UBR4: variants seen among roughly 807,000 people sequenced by gnomAD.
UBR4 encodes the protein ubiquitin protein ligase E3 component n-recognin 4.
In UBR4, 124 loss-of-function variants were observed where a neutral mutation model predicts 575.6. That is an observed-to-expected ratio of 0.22 (90% CI 0.19 to 0.25). The LOEUF (loss-of-function observed/expected upper bound fraction) is 0.25. UBR4 is among the 10% of genes least tolerant of loss of function. The probability of loss-of-function intolerance (pLI) is 1.00; values close to 1 mark genes in which losing one functional copy is unlikely to be tolerated. For missense variants in UBR4, 4,818 were observed against 6,478.8 expected (o/e 0.74, Z 8.80); for synonymous variants, 2,455 against 2,473.7 (o/e 0.99, Z 0.22).
Position 19,138,072 on chromosome 1 carries a change from C to G in UBR4, c.8841G>C (p.Gln2947His), listed in dbSNP as rs1318578531. ...CTTCTCCCTCGGAGCCATCTCCCTC[C>G]TGGTGCCCAGTGGTGGTGCTGATGG... ...TGAISTTTGHQEGDGSEGEGE... is the reference protein window; with the variant it reads ...TGAISTTTGHHEGDGSEGEGE... Residue 2947 changes from glutamine to histidine, a missense_variant, in exon 60 of 106, where the codon CAG (glutamine) becomes CAC (histidine). By Grantham distance (24) the Gln-to-His change is conservative (BLOSUM62 0). Transcript: ENST00000375254. The G allele has an allele frequency of 4.4e-6, 7 of 1,597,812 alleles. No individual in the cohort carries two copies. The highest frequency in any genetic ancestry group is 6.0e-6 in the Non-Finnish European group (7 of 1,170,080).
At position 19,126,429 on chromosome 1, in the gene UBR4, T is replaced by C; in HGVS notation, c.9438+17A>G. 2 of 1,613,956 alleles carry C rather than the reference T, an allele frequency of 1.2e-6. No individual in the cohort carries two copies. Among genetic ancestry groups the C allele is most frequent in the South Asian group, 2.2e-5 (2 of 91,076 alleles). On this transcript the variant is annotated intron_variant, in intron 64 of 105. Transcript: ENST00000375254. ...GAACAAAGGACGAGTGTTTCTTTGA[T>C]GAGGGAAAGATCTCACCTTCACATA...
chr1:19,081,133 T>C (rs1185287872), intron 103 of UBR4: 2 of 523,002 alleles, frequency 3.8e-6, no homozygotes, highest in Non-Finnish European at 6.8e-6. Flanking sequence ...TGGCTCTACC[T>C]TTCTAGTAGC....
chr1:19,085,784 G>A (rs1462169578), intron 101 of UBR4, among the ~76,000 whole-genome samples: 2 of 152,190 alleles, frequency 1.3e-5, no homozygotes, highest in African/African-American at 2.4e-5. Flanking sequence ...AAACCTCAGA[G>A]CCACACACTG....
chr1:19,142,794 T>C lies in UBR4; in HGVS notation c.8180-1017A>G, dbSNP rs1481036317. On this transcript the variant is annotated intron_variant, in intron 55 of 105. Transcript: ENST00000375254. ...GGATTAAATAATTAGTAAATCAATT[T>C]TACTTTTTACTCTTTATAATATTGC... Among the ~76,000 whole-genome samples the C allele has an allele frequency of 2.6e-5, 4 of 152,232 alleles. No individual in the cohort carries two copies. In the East Asian group the frequency reaches 7.7e-4, roughly 29 times the overall value.
Position 19,156,408 on chromosome 1 carries a change from T to G in UBR4, c.5935A>C (p.Thr1979Pro), listed in dbSNP as rs565864302. 6.2e-7 allele frequency: 1 copy of G among 1,614,024 alleles called. No individual in the cohort carries two copies. The highest frequency in any genetic ancestry group is 1.1e-5 in the South Asian group (1 of 91,068). ...GAAACAGAGCCTGAGCTACTAAAGG[T>G]GAGCACATGACAGTCCTGGACAATG... ...VCGLKDCHVL[T>P]FSSSGSVSDH... Residue 1979 changes from threonine (T) to proline (P), a missense_variant, in exon 42 of 106, where the codon ACC becomes CCC. Transcript: ENST00000375254.
chr1:19,074,927 G>C, intron 105 of UBR4, 31 bp from the exon 106 acceptor site: 2 of 1,611,824 alleles, frequency 1.2e-6, no homozygotes, highest in African/African-American at 1.3e-5. Context: ...AGGTGTGTCA[G>C]GAGCAGGCAT....
Position 19,110,047 on chromosome 1 carries a change from A to G in UBR4, c.12105+49T>C. The G allele has an allele frequency of 6.2e-7, 1 of 1,610,492 alleles. No individual in the cohort carries two copies. Among genetic ancestry groups the G allele is most frequent in the African/African-American group, 1.3e-5 (1 of 74,980 alleles). On this transcript the variant is annotated intron_variant, in intron 81 of 105. Coordinates refer to ENST00000375254, the MANE Select transcript of UBR4 (RefSeq NM_020765.3). This position sits in a 1 kb window ranked among gnomAD's most constrained non-coding sequence, Gnocchi z 4.5. ...CAGGGCACACTGCCAGGGAATGAGG[A>G]GGGTGGCCGCCCTGCCCTTCCTTGT... is the stretch of plus-strand genomic sequence containing the variant.
intron 91 of UBR4, among the ~76,000 whole-genome samples, chr1:19,096,851 C>T (rs943741372): frequency 3.3e-5 from 5 of 152,080 alleles, no homozygotes; most frequent in African/African-American, 9.7e-5. Context: ...TTTAAAGTTT[C>T]AAGTCAATTA....
intron 58 of UBR4, among the ~76,000 whole-genome samples, chr1:19,140,375 A>G (rs1318240664): frequency 6.6e-6 from 1 of 152,256 alleles, no homozygotes; most frequent in Non-Finnish European, 1.5e-5. Context: ...AGTATAATCT[A>G]GCTTCTTATA....
Position 19,084,635 on chromosome 1 carries a change from A to T in UBR4, c.14877T>A (p.His4959Gln). Residue 4959 changes from histidine to glutamine, a missense_variant, in exon 102 of 106, where the codon CAT becomes CAA. Physicochemically the swap from His to Gln is conservative, Grantham distance 24 (BLOSUM62 0). Coordinates refer to ENST00000375254, the MANE Select transcript of UBR4 (RefSeq NM_020765.3). ...AGCGCAGGAAGAGCAGTTTGATGTC[A>T]TGGATGTTGAGCTGATACGTGGGCT... ...QREPTYQLNI[H>Q]DIKLLFLRFA... 1 of 1,613,916 alleles carries T rather than the reference A, an allele frequency of 6.2e-7. No individual in the cohort carries two copies. The highest frequency in any genetic ancestry group is 8.5e-7 in the Non-Finnish European group (1 of 1,179,924).
rs755512128 is a variant in UBR4 at position 19,094,135 on chromosome 1, T to C, written c.13751A>G (p.Asn4584Ser). 4.3e-6 allele frequency: 7 copies of C among 1,611,664 alleles called. No homozygotes were observed. In the Middle Eastern group the frequency reaches 5.0e-4, roughly 115 times the overall value. Residue 4584 changes from asparagine to serine, a missense_variant, in exon 95 of 106, where the codon AAC (asparagine) becomes AGC (serine). Transcript: ENST00000375254. Reference sequence around the variant, plus strand: ...ATCCTTGTCACCTGTCAGGAGGAGGTTGCCCTGCAACAGAAAAGAGGGTGA... The same window carrying C: ...ATCCTTGTCACCTGTCAGGAGGAGGCTGCCCTGCAACAGAAAAGAGGGTGA... The part of the protein sequence containing the change: ...NAEPLSEDKG[N>S]LLLTGDKDQL...
chr1:19,112,939 G>C (rs957758723), intron 77 of UBR4, 72 bp from the exon 78 acceptor site: 9 of 1,480,156 alleles, frequency 6.1e-6, no homozygotes, highest in Non-Finnish European at 8.1e-6. Context: ...TAGAAAATTA[G>C]TTTTGCTTTA....
At chr1:19,198,718 G>T (rs2092599107) in intron 4 of UBR4, 38 bp from the exon 5 acceptor site, 2 of 1,612,712 alleles carry the variant, frequency 1.2e-6, no homozygotes, top group East Asian at 4.5e-5. Flanking sequence ...GCTGAGGAAA[G>T]TGCCACTAGA....
chr1:19,204,528 A>T (rs1054017785), intron 1 of UBR4, among the ~76,000 whole-genome samples: 19 of 107,632 alleles, frequency 1.8e-4, no homozygotes, highest in African/African-American at 4.6e-4. Context: ...TGAAATATAT[A>T]AAAAAAAATA....
chr1:19,179,834 A>G (rs995761336), intron 17 of UBR4, among the ~76,000 whole-genome samples: 3 of 152,228 alleles, frequency 2.0e-5, no homozygotes, highest in Admixed American at 6.5e-5. Flanking sequence ...CAGGATGCCA[A>G]TGGAAAACCA....
At position 19,099,726 on chromosome 1, in the gene UBR4, A is replaced by G. The variant is rs2149033805; in HGVS notation, c.13222-49T>C. ...TGTTGTTCCAAATAATTGTAAGACA[A>G]GTAAAATCCAAGAGCAAAGGGCACC... On this transcript the variant is annotated intron_variant, in intron 89 of 105. Coordinates refer to ENST00000375254, the MANE Select transcript of UBR4 (RefSeq NM_020765.3). The G allele has an allele frequency of 1.9e-6, 3 of 1,562,410 alleles. No homozygotes were observed. In the African/African-American group the frequency reaches 4.1e-5, roughly 21 times the overall value.
intron 27 of UBR4, among the ~76,000 whole-genome samples, chr1:19,168,641 T>C (rs2088921510): frequency 6.6e-6 from 1 of 152,088 alleles, no homozygotes; most frequent in Non-Finnish European, 1.5e-5. Flanking sequence ...ATAGAGGTAG[T>C]GTGAGCAGAG....
intron 8 of UBR4, among the ~76,000 whole-genome samples, chr1:19,194,977 C>G (rs1029332855): frequency 2.7e-5 from 4 of 149,866 alleles, no homozygotes; most frequent in African/African-American, 9.8e-5. Flanking sequence ...ATAATGAAAT[C>G]TGGCCAGGCA....
rs932338923 is a variant in UBR4 at position 19,088,599 on chromosome 1, G to A, written c.14430+160C>T. 1.3e-5 allele frequency among the ~76,000 whole-genome samples: 2 copies of A among 152,198 alleles called. No homozygotes were observed. Among genetic ancestry groups the A allele is most frequent in the African/African-American group, 4.8e-5 (2 of 41,448 alleles). On this transcript the variant is annotated intron_variant, in intron 98 of 105. Transcript: ENST00000375254. The surrounding 1 kb of genome is among the most constrained non-coding windows in gnomAD (Gnocchi z 4.0). Reference sequence around the variant, plus strand: ...CCGAGTCTCATCTGTATGATAGAACGATAGTAGTTCCACCTCTGAGAGGGC... The same window carrying A: ...CCGAGTCTCATCTGTATGATAGAACAATAGTAGTTCCACCTCTGAGAGGGC...
Sources: allele counts gnomAD v4.1 joint callset (sites outside exome capture counted in the v4.1 genomes callset), GRCh38; gene constraint gnomAD v4.1.1; non-coding constraint Gnocchi (gnomAD v3.1); transcripts MANE v1.5; gene names NCBI Gene and HGNC (gene_info 2026-07-23, HGNC 2026-07-21).